WDR76: variants seen among roughly 807,000 people sequenced by gnomAD.
WDR76 encodes the protein WD repeat domain 76.
A neutral mutation model predicts 70.2 loss-of-function variants in WDR76; 52 were observed. That is an observed-to-expected ratio of 0.74 (90% CI 0.59 to 0.93). WDR76 has a LOEUF of 0.93. Ranked by LOEUF, WDR76 falls within the 40% of genes least tolerant of loss-of-function variation. WDR76 has a pLI of 0.00. For missense variants in WDR76, 756 were observed against 760.2 expected, an observed-to-expected ratio of 0.99 and a Z score of 0.07; for synonymous variants, 292 against 271.1, an observed-to-expected ratio of 1.08 and a Z score of -0.76.
Position 43,827,050 on chromosome 15 carries a change from G to A in WDR76, c.18G>A (p.Ala6=). Residue 6 remains alanine, a synonymous_variant, in exon 1 of 13, where the codon GCG becomes GCA. Coordinates refer to ENST00000263795, the MANE Select transcript of WDR76 (RefSeq NM_024908.4). ...GCCGAAAGATGTCCAGGTCGGGCGC[G>A]GCGGCTGAGAAGGCGGACTCCAGAC... MSRSG[A]AAEKADSRQR... is the part of the protein sequence containing the mutation. 1 of 1,614,140 alleles carries A rather than the reference G, an allele frequency of 6.2e-7. No individual in the cohort carries two copies. Among genetic ancestry groups the A allele is most frequent in the Non-Finnish European group, 8.5e-7 (1 of 1,180,036 alleles).
chr15:43,851,162 C>T lies in WDR76; in HGVS notation c.1108C>T (p.Pro370Ser), dbSNP rs1174853678. 1 of 1,614,190 alleles carries T rather than the reference C, an allele frequency of 6.2e-7. No individual in the cohort carries two copies. Among genetic ancestry groups the T allele is most frequent in the Non-Finnish European group, 8.5e-7 (1 of 1,180,030 alleles). Residue 370 changes from proline (P) to serine (S), a missense_variant, in exon 9 of 13, where the codon CCC (proline) becomes TCC (serine). By Grantham distance (74) the Pro-to-Ser change is moderately conservative. Coordinates refer to ENST00000263795, the MANE Select transcript of WDR76 (RefSeq NM_024908.4). ...SQPVSCLYFSPANPAHILSLS... is the reference protein window; with the variant it reads ...SQPVSCLYFSSANPAHILSLS... ...GCCAGTTAGCTGTCTTTACTTCTCA[C>T]CCGCCAATCCGGCCCACATACTGTC...
chr15:43,854,924 CTG>C lies in WDR76; in HGVS notation c.1192-2017_1192-2016del, dbSNP rs200711394. 6.6e-3 allele frequency among the ~76,000 whole-genome samples: 982 copies of C among 148,898 alleles called. 11 individuals carry two copies. Among genetic ancestry groups the C allele is most frequent in the African/African-American group, 0.023 (932 of 40,398 alleles). ...CAAGATTGTGCCATTGTACTCTAGT[CTG>C]TGTGACAGAGTGAGACTCCATCTCA... On this transcript the variant is annotated intron_variant, in intron 9 of 12. Coordinates refer to ENST00000263795, the MANE Select transcript of WDR76 (RefSeq NM_024908.4).
chr15:43,843,247 C>T (rs2087748742), intron 7 of WDR76, among the ~76,000 whole-genome samples: 1 of 152,046 alleles, frequency 6.6e-6, no homozygotes, highest in Admixed American at 6.6e-5. Context: ...TCTTGAATAC[C>T]TGGGCTCAAG....
intron 4 of WDR76, among the ~76,000 whole-genome samples, chr15:43,837,091 A>T (rs1353070116): frequency 6.6e-6 from 1 of 152,070 alleles, no homozygotes; most frequent in East Asian, 1.9e-4. Context: ...AAGTCAAAAC[A>T]GCTTATAAGT....
At chr15:43,856,138 A>T (rs140375480) in intron 9 of WDR76, among the ~76,000 whole-genome samples, 2 of 152,146 alleles carry the variant, frequency 1.3e-5, no homozygotes, top group African/African-American at 4.8e-5. Flanking sequence ...TTAGCATTGC[A>T]TGGTATTTCA....
intron 2 of WDR76, among the ~76,000 whole-genome samples, chr15:43,829,965 T>C (rs2087566284): frequency 6.6e-6 from 1 of 151,996 alleles, no homozygotes; most frequent in Non-Finnish European, 1.5e-5. Context: ...GATTCAGAAG[T>C]TGGGGCATAC....
At chr15:43,829,546 G>A (rs894362570) in intron 2 of WDR76, among the ~76,000 whole-genome samples, 5 of 108,292 alleles carry the variant, frequency 4.6e-5, no homozygotes, top group Non-Finnish European at 8.5e-5. Flanking sequence ...TTGTTCTGTT[G>A]CCCAGGATGG....
At chr15:43,853,915 AC>A (rs2087895726) in intron 9 of WDR76, among the ~76,000 whole-genome samples, 1 of 151,034 alleles carries the variant, frequency 6.6e-6, no homozygotes, top group Non-Finnish European at 1.5e-5. Flanking sequence ...AAAAAAAAAA[AC>A]AAAAAAAAAC....
At chr15:43,857,820 CAAAAAAAAAAAAAAA>C (rs972013972) in intron 10 of WDR76, among the ~76,000 whole-genome samples, 1 of 57,948 alleles carries the variant, frequency 1.7e-5, no homozygotes, top group Non-Finnish European at 3.2e-5. Flanking sequence ...CTCTTGTCTC[CAAAAAAAAAAAAAAA>C]AAAAAAAAAG....
chr15:43,856,071 C>G (rs971576105), intron 9 of WDR76, among the ~76,000 whole-genome samples: 1 of 152,130 alleles, frequency 6.6e-6, no homozygotes, highest in African/African-American at 2.4e-5. Context: ...TTTTGCAACT[C>G]TTTTCACTTA....
At chr15:43,832,784 C>G (rs2087608576) in intron 2 of WDR76, among the ~76,000 whole-genome samples, 1 of 113,134 alleles carries the variant, frequency 8.8e-6, no homozygotes, top group Non-Finnish European at 1.7e-5. Flanking sequence ...ACAGTCTCGG[C>G]TCTTGCCCTG....
chr15:43,844,080 A>G (rs752946996), intron 8 of WDR76, 26 bp downstream of exon 8: 7 of 1,606,714 alleles, frequency 4.4e-6, no homozygotes, highest in Non-Finnish European at 5.1e-6. Flanking sequence ...TCTTGAATAT[A>G]TTATAGTTTG....
chr15:43,864,273 T>C (rs758190196), intron 12 of WDR76, among the ~76,000 whole-genome samples: 11 of 152,218 alleles, frequency 7.2e-5, no homozygotes, highest in Non-Finnish European at 1.3e-4. Context: ...ATATTCTCAG[T>C]AGTGGGATTG....
chr15:43,858,876 C>T (rs775284126), intron 11 of WDR76, 53 bp downstream of exon 11: 249 of 1,572,506 alleles, frequency 1.6e-4, no homozygotes, highest in Non-Finnish European at 2.0e-4. Flanking sequence ...TCTATAGCTA[C>T]TGTGTCAGTA....
intron 8 of WDR76, among the ~76,000 whole-genome samples, chr15:43,849,572 T>C (rs2087831098): frequency 6.6e-6 from 1 of 152,210 alleles, no homozygotes; most frequent in African/African-American, 2.4e-5. Context: ...GGAGTCTCGC[T>C]TTGTCGCCCA....
rs973139762 is a variant in WDR76, at chr15:43,851,322, T to C, written c.1191+77T>C. ...CGAAATGCCACATGAATAATTATTA[T>C]ACCAATTGGGAGAAGTGGTATAGCA... is the stretch of plus-strand genomic sequence containing the variant. On this transcript the variant is annotated intron_variant, in intron 9 of 12. Transcript: ENST00000263795. 6 of 1,558,000 alleles carry C rather than the reference T, an allele frequency of 3.9e-6. 1 individual carries two copies. The Middle Eastern group carries it at 5.1e-4, about 133-fold the overall frequency.
In WDR76 at chr15:43,836,141, A is replaced by G. The variant is rs757380363; in HGVS notation, c.553-20A>G. 4 of 1,596,100 alleles carry G rather than the reference A, an allele frequency of 2.5e-6. No homozygotes were observed. Among genetic ancestry groups the G allele is most frequent in the South Asian group, 1.2e-5 (1 of 86,668 alleles). On this transcript the variant is annotated intron_variant, in intron 3 of 12. Transcript: ENST00000263795. ...AGATACGTAGTTATAACATTTTTAC[A>G]TGATTTTTATACTTTACAGTCTGCT...
In WDR76 at chr15:43,839,741, G is replaced by A; in HGVS notation, c.732+13G>A. ...AGCAGATGAAACTGTAAGGAAATGT[G>A]CAAATATAATATTTTAATGTAATAA... On this transcript the variant is annotated intron_variant, in intron 5 of 12. Coordinates refer to ENST00000263795, the MANE Select transcript of WDR76 (RefSeq NM_024908.4). 1.3e-6 allele frequency: 2 copies of A among 1,586,974 alleles called. No individual in the cohort carries two copies. The highest frequency in any genetic ancestry group is 1.7e-6 in the Non-Finnish European group (2 of 1,168,746).
chr15:43,833,376 T>C (rs1342510263), intron 2 of WDR76, among the ~76,000 whole-genome samples: 5 of 150,698 alleles, frequency 3.3e-5, no homozygotes, highest in Admixed American at 6.7e-5. Flanking sequence ...TGGAGTGCAG[T>C]GGCGCCATCT....
Sources: allele counts gnomAD v4.1 joint callset (sites outside exome capture counted in the v4.1 genomes callset), GRCh38; gene constraint gnomAD v4.1.1; transcripts MANE v1.5; gene names NCBI Gene and HGNC (gene_info 2026-07-23, HGNC 2026-07-21).